TICAM1: variants seen among roughly 807,000 people sequenced by gnomAD.
TICAM1 encodes TIR domain containing adaptor molecule 1, also known as TIR domain-containing adapter molecule 1.
For synonymous variants in TICAM1, 439 were observed against 415.4 expected (o/e 1.06, Z -0.69); for missense variants, 895 against 938.2 (o/e 0.95, Z 0.60).
intron 1 of TICAM1, among the ~76,000 whole-genome samples, chr19:4,823,378 T>C (rs189294770): frequency 1.4e-4 from 21 of 150,066 alleles, no homozygotes; most frequent in Middle Eastern, 3.4e-3. Context: ...GGCAGGAGAA[T>C]GGCGTGAACC....
Position 4,816,128 on chromosome 19 carries a change from C to T in TICAM1, c.*111G>A. 1 of 1,335,064 alleles carries T rather than the reference C, an allele frequency of 7.5e-7. No homozygotes were observed. Among genetic ancestry groups the T allele is most frequent in the Non-Finnish European group, 9.6e-7 (1 of 1,043,246 alleles). The allele number at this position is 1,335,064 out of a possible 1,614,324, so 82.7% of individuals were successfully genotyped here. On this transcript the variant is annotated 3_prime_UTR_variant, in exon 2 of 2. Coordinates refer to ENST00000248244, the MANE Select transcript of TICAM1 (RefSeq NM_182919.4). The surrounding 1 kb of genome is among the most constrained non-coding windows in gnomAD (Gnocchi z 4.3). ...ACAATGTCCTGAAAGTGGCAGATGA[C>T]CTCATCTTCCACTGTCCACAGGGCA...
rs2093590161 is a variant in TICAM1 at position 4,817,907 on chromosome 19, CGT to C, written c.469_470del (p.Thr157AlafsTer26). Reference sequence around the variant, plus strand: ...GGAGGCAGCCCAGATTGGACTGGAGCGTCCGGATGCTCCCTGGATCCCCAGCA... The same window carrying C: ...GGAGGCAGCCCAGATTGGACTGGAGCCCGGATGCTCCCTGGATCCCCAGCA... Reference protein sequence around the residue: ...DIAGDPGSIRTLQSNLGCLPP... With the variant: ...DIAGDPGSIRXLQSNLGCLPP... On this transcript the variant is annotated frameshift_variant, in exon 2 of 2. Transcript: ENST00000248244. LOFTEE classifies it low-confidence loss of function (END_TRUNC). The surrounding 1 kb of genome is among the most constrained non-coding windows in gnomAD (Gnocchi z 4.7). 1 of 1,613,900 alleles carries C rather than the reference CGT, an allele frequency of 6.2e-7. No individual in the cohort carries two copies. The highest frequency in any genetic ancestry group is 8.5e-7 in the Non-Finnish European group (1 of 1,180,000).
intron 1 of TICAM1, among the ~76,000 whole-genome samples, chr19:4,821,127 C>T (rs557560906): frequency 1.9e-4 from 28 of 145,932 alleles, no homozygotes; most frequent in African/African-American, 6.6e-4. Flanking sequence ...ACCCAAGAGG[C>T]GGAGGTTGCA....
chr19:4,825,064 G>T (rs2093603495), intron 1 of TICAM1, among the ~76,000 whole-genome samples: 1 of 152,104 alleles, frequency 6.6e-6, no homozygotes, highest in East Asian at 1.9e-4. Context: ...TGGATTGCCT[G>T]AGCTCAGGAG....
chr19:4,827,372 CAA>C (rs57574607), intron 1 of TICAM1, among the ~76,000 whole-genome samples: 50 of 54,178 alleles, frequency 9.2e-4, no homozygotes, highest in African/African-American at 2.9e-3. Context: ...ACTCTGTCTC[CAA>C]AAAAAAAAAA....
rs774588806 is a variant in TICAM1, at chr19:4,817,133, C to T, written c.1245G>A (p.Lys415=). The T allele has an allele frequency of 1.2e-6, 2 of 1,614,134 alleles. No homozygotes were observed. Among genetic ancestry groups the T allele is most frequent in the Middle Eastern group, 3.3e-4 (2 of 6,062 alleles). The change falls in exon 2 of 2, where the codon AAG becomes AAA. Residue 415 remains lysine (K), a synonymous_variant. Coordinates refer to ENST00000248244, the MANE Select transcript of TICAM1 (RefSeq NM_182919.4). The surrounding 1 kb of genome is among the most constrained non-coding windows in gnomAD (Gnocchi z 4.7). ...DEHIALRVRE[K]LEALGVPDGA... ...CGTCGGGCACGCCAAGGGCCTCCAGCTTCTCCCGAACCCGCAGGGCGATGT... is the reference window on the plus strand; with the variant it reads ...CGTCGGGCACGCCAAGGGCCTCCAGTTTCTCCCGAACCCGCAGGGCGATGT...
chr19:4,826,523 C>T (rs2093605670), intron 1 of TICAM1, among the ~76,000 whole-genome samples: 1 of 152,070 alleles, frequency 6.6e-6, no homozygotes, highest in African/African-American at 2.4e-5. Context: ...CGGGGTTTCA[C>T]CATGTTGCCC....
intron 1 of TICAM1, among the ~76,000 whole-genome samples, chr19:4,819,577 T>C (rs555899999): frequency 6.6e-6 from 1 of 152,296 alleles, no homozygotes; most frequent in Non-Finnish European, 1.5e-5. Flanking sequence ...AATACATGCT[T>C]GCTAAATAGC....
intron 1 of TICAM1, among the ~76,000 whole-genome samples, chr19:4,827,406 A>T (rs1431635569): frequency 6.9e-6 from 1 of 144,588 alleles, no homozygotes; most frequent in Non-Finnish European, 1.5e-5. Flanking sequence ...AAAAAAAAGA[A>T]AAAGGCCAGA....
chr19:4,820,384 C>T (rs1432274359), intron 1 of TICAM1, among the ~76,000 whole-genome samples: 1 of 149,008 alleles, frequency 6.7e-6, no homozygotes, highest in East Asian at 2.0e-4. Flanking sequence ...TGCACCATTG[C>T]ACTCCAGCCT....
Position 4,818,263 on chromosome 19 carries a change from C to G in TICAM1, c.115G>C (p.Gly39Arg). 2 of 1,613,176 alleles carry G rather than the reference C, an allele frequency of 1.2e-6. No individual in the cohort carries two copies. The highest frequency in any genetic ancestry group is 1.7e-6 in the Non-Finnish European group (2 of 1,180,014). ...KLKTPRPGCQ[G>R]QDLLHAMVLL... ...ACCATGGCATGCAGGAGGTCCTGCC[C>G]CTGGCAGCCTGGGCGTGGGGTCTTC... Residue 39 changes from glycine to arginine, a missense_variant, in exon 2 of 2, where the codon GGG becomes CGG. Coordinates refer to ENST00000248244, the MANE Select transcript of TICAM1 (RefSeq NM_182919.4). The surrounding 1 kb of genome is among the most constrained non-coding windows in gnomAD (Gnocchi z 4.0).
intron 1 of TICAM1, among the ~76,000 whole-genome samples, chr19:4,826,894 GA>G (rs748943237): frequency 1.3e-5 from 2 of 152,036 alleles, no homozygotes; most frequent in Non-Finnish European, 2.9e-5. Flanking sequence ...TGGGGCCTGA[GA>G]AACAGCCTCA....
At position 4,817,467 on chromosome 19, in the gene TICAM1, C is replaced by T. The variant is rs2146169889; in HGVS notation, c.911G>A (p.Cys304Tyr). 1 of 1,614,084 alleles carries T rather than the reference C, an allele frequency of 6.2e-7. No individual in the cohort carries two copies. The highest frequency in any genetic ancestry group is 8.5e-7 in the Non-Finnish European group (1 of 1,180,012). ...PETSTNYPVE[C>Y]TEGSAGPQSL... Reference sequence around the variant, plus strand: ...CTGGGGGCCTGCAGACCCCTCGGTGCACTCCACTGGGTAGTTGGTGCTGGT... The same window carrying T: ...CTGGGGGCCTGCAGACCCCTCGGTGTACTCCACTGGGTAGTTGGTGCTGGT... The change falls in exon 2 of 2, where the codon TGC becomes TAC. Residue 304 changes from cysteine (C) to tyrosine (Y), a missense_variant. Transcript: ENST00000248244. This position sits in a 1 kb window ranked among gnomAD's most constrained non-coding sequence, Gnocchi z 4.7.
At chr19:4,820,225 C>T (rs1439590483) in intron 1 of TICAM1, among the ~76,000 whole-genome samples, 1 of 151,640 alleles carries the variant, frequency 6.6e-6, no homozygotes, top group Non-Finnish European at 1.5e-5. Context: ...TCGAGACCAG[C>T]CTGGCCAATA....
intron 1 of TICAM1, among the ~76,000 whole-genome samples, chr19:4,831,045 G>C (rs1599149597): frequency 6.6e-6 from 1 of 152,134 alleles, no homozygotes; most frequent in East Asian, 1.9e-4. Flanking sequence ...AAGAGTTTGG[G>C]GTGTCAGGGA....
chr19:4,816,917 G>A lies in TICAM1; in HGVS notation c.1461C>T (p.Ile487=). 6.2e-7 allele frequency: 1 copy of A among 1,613,762 alleles called. No individual in the cohort carries two copies. ...GGGAGCTCTCCAGGGGCAGGAAGGG[G>A]ATGACACAGTCTGGCGACCCCTGTC... ...LTRQGSPDCV[I]PFLPLESSPA... Residue 487 remains isoleucine (I), a synonymous_variant, in exon 2 of 2, where the codon ATC becomes ATT. Coordinates refer to ENST00000248244, the MANE Select transcript of TICAM1 (RefSeq NM_182919.4). The surrounding 1 kb of genome is among the most constrained non-coding windows in gnomAD (Gnocchi z 4.3).
At chr19:4,830,579 T>G (rs1227573535) in intron 1 of TICAM1, among the ~76,000 whole-genome samples, 5 of 152,194 alleles carry the variant, frequency 3.3e-5, no homozygotes, top group African/African-American at 1.2e-4. Context: ...GTCCAGGAAC[T>G]GTTCAAAGTG....
chr19:4,818,537 A>C lies in TICAM1; in HGVS notation c.-139-21T>G. 1 of 1,388,312 alleles carries C rather than the reference A, an allele frequency of 7.2e-7. No individual in the cohort carries two copies. The highest frequency in any genetic ancestry group is 1.7e-5 in the South Asian group (1 of 57,528). The allele number at this position is 1,388,312 out of a possible 1,614,324, so 86.0% of individuals were successfully genotyped here. On this transcript the variant is annotated intron_variant, in intron 1 of 1. Transcript: ENST00000248244. This position sits in a 1 kb window ranked among gnomAD's most constrained non-coding sequence, Gnocchi z 4.0. ...CAGATCTGTAGGAAACAGGAGAAGC[A>C]AACACACTTACCCCCAAGAAAGGTC...
At chr19:4,822,463 G>A (rs2093599353) in intron 1 of TICAM1, among the ~76,000 whole-genome samples, 3 of 152,096 alleles carry the variant, frequency 2.0e-5, no homozygotes, top group Admixed American at 6.6e-5. Context: ...GGCTGGTCTC[G>A]AACTCCTGAC....
Sources: gnomAD v4.1 joint callset for allele counts (sites outside exome capture counted in the v4.1 genomes callset) on GRCh38, gnomAD v4.1.1 for gene constraint, Gnocchi (gnomAD v3.1) non-coding constraint, MANE v1.5 for transcripts, NCBI Gene and HGNC (gene_info 2026-07-23, HGNC 2026-07-21) for gene names.